The following ZKSCAN4 variants were observed in gnomAD, a reference collection of about 807,000 sequenced individuals.
ZKSCAN4 encodes the protein zinc finger with KRAB and SCAN domains 4.
ZKSCAN4 carries 23 observed loss-of-function variants against 30.8 expected under a neutral mutation model. That is an observed-to-expected ratio of 0.75 (90% CI 0.54 to 1.06). The LOEUF (loss-of-function observed/expected upper bound fraction) is 1.06. Ranked by LOEUF, ZKSCAN4 falls within the 50% of genes least tolerant of loss-of-function variation. ZKSCAN4 has a pLI of 0.00. For missense variants in ZKSCAN4, 556 were observed against 665.4 expected (o/e 0.84, Z 1.81); for synonymous variants, 208 against 252.5 (o/e 0.82, Z 1.67).
In ZKSCAN4 at chr6:28,241,753, T is replaced by A. The variant is rs9468318; in HGVS notation, c.*3363A>T. ...TATTAAACAATTATAATTCCTTTAT[T>A]TGGAGGTTTCCATTAACAAAGTGTT... On this transcript the variant is annotated 3_prime_UTR_variant, in exon 5 of 5. Transcript: ENST00000377294. Among the ~76,000 whole-genome samples, 31,076 of 152,082 alleles carry A rather than the reference T, an allele frequency of 0.2. 3,606 individuals carry two copies. The highest frequency in any genetic ancestry group is 0.3 in the African/African-American group (12,635 of 41,488).
Position 28,245,801 on chromosome 6 carries a change from C to T in ZKSCAN4, c.953G>A (p.Arg318Lys). 6.2e-7 allele frequency: 1 copy of T among 1,614,216 alleles called. No homozygotes were observed. The highest frequency in any genetic ancestry group is 8.5e-7 in the Non-Finnish European group (1 of 1,180,046). The change falls in exon 5 of 5, where the codon AGG becomes AAG. Residue 318 changes from arginine to lysine, a missense_variant. Physicochemically the swap from Arg to Lys is conservative, Grantham distance 26 (BLOSUM62 2). Around this residue, in one of 3 missense-constraint regions of ZKSCAN4, gnomAD observed 433 missense variants for 511.5 expected, o/e 0.85. Transcript: ENST00000377294. ...QRKQKNAIGS[R>K]RHYCHECGKS... ...TCCACATTCATGGCAATAATGTCGCCTACTCCCTATGGCATTTTTCTGCTT... is the reference window on the plus strand; with the variant it reads ...TCCACATTCATGGCAATAATGTCGCTTACTCCCTATGGCATTTTTCTGCTT...
rs769073563 is a variant in ZKSCAN4, at chr6:28,245,985, C to T, written c.779-10G>A. The stretch of plus-strand genomic sequence containing the variant: ...GTCTGTATTTCACCACCTGAAACAA[C>T]AAATGGCCGGCAACTGTGGGTTATG... On this transcript the variant is annotated splice_polypyrimidine_tract_variant and intron_variant, in intron 4 of 4. Transcript: ENST00000377294. 2.5e-6 allele frequency: 4 copies of T among 1,614,032 alleles called. No homozygotes were observed. The highest frequency in any genetic ancestry group is 4.5e-5 in the East Asian group (2 of 44,892).
In ZKSCAN4 at chr6:28,251,626, C is replaced by T. The variant is rs199868712; in HGVS notation, c.355G>A (p.Glu119Lys). The change falls in exon 1 of 5, where the codon GAG (glutamate) becomes AAG (lysine). Residue 119 changes from glutamate (E) to lysine (K), a missense_variant. Coordinates refer to ENST00000377294, the MANE Select transcript of ZKSCAN4 (RefSeq NM_019110.5). This position sits in a 1 kb window ranked among gnomAD's most constrained non-coding sequence, Gnocchi z 4.5. ...LQSWVREQHP[E>K]SGEEVVVLLE... ...AGCACCACCACCTCCTCCCCGCTCT[C>T]TGGATGCTGCTCCCGCACCCAGCTC... The T allele has an allele frequency of 2.8e-4, 447 of 1,614,216 alleles. 3 individuals are homozygous for T. The Middle Eastern group carries it at 3.0e-3, about 11-fold the overall frequency.
In ZKSCAN4 at chr6:28,246,019, T is replaced by C. The variant is rs752742562; in HGVS notation, c.779-44A>G. ...GGCAACTGTGGGTTATGCCCTGCCA[T>C]GGGAGGAAAGCTCTGTGATGAGTAC... On this transcript the variant is annotated intron_variant, in intron 4 of 4. Transcript: ENST00000377294. 5.6e-6 allele frequency: 9 copies of C among 1,613,682 alleles called. No individual in the cohort carries two copies. In the African/African-American group the frequency reaches 6.7e-5, roughly 12 times the overall value.
chr6:28,247,444 G>C (rs1260560495), intron 3 of ZKSCAN4, among the ~76,000 whole-genome samples: 1 of 152,020 alleles, frequency 6.6e-6, no homozygotes, highest in Non-Finnish European at 1.5e-5. Flanking sequence ...TACATTAATA[G>C]CTTCAAAAAT....
At chr6:28,246,822 A>C (rs982855664) in intron 4 of ZKSCAN4, 147 bp downstream of exon 4, 6 of 914,692 alleles carry the variant, frequency 6.6e-6, no homozygotes, top group South Asian at 2.1e-5. Flanking sequence ...AGAAGGAGTA[A>C]GGAGCTAGTA....
chr6:28,258,640 G>C, the ZKSCAN4 span, among the ~76,000 whole-genome samples: 1 of 151,756 alleles, frequency 6.6e-6, no homozygotes, highest in African/African-American at 2.4e-5. Flanking sequence ...AATCAACCTG[G>C]CGTGGTGGTG....
Position 28,251,638 on chromosome 6 carries a change from C to A in ZKSCAN4, c.343G>T (p.Glu115Ter). ...TCCTCCCCGCTCTCTGGATGCTGCT[C>A]CCGCACCCAGCTCTGCAGATTCCCC... ...LPGNLQSWVR[E>*]QHPESGEEVV... Residue 115 changes from glutamate to a stop codon, truncating the protein, a stop_gained, in exon 1 of 5, where the codon GAG (glutamate) becomes TAG (stop). Coordinates refer to ENST00000377294, the MANE Select transcript of ZKSCAN4 (RefSeq NM_019110.5). LOFTEE classifies it high-confidence loss of function. The surrounding 1 kb of genome is among the most constrained non-coding windows in gnomAD (Gnocchi z 4.5). 6.2e-7 allele frequency: 1 copy of A among 1,614,180 alleles called. No individual in the cohort carries two copies.
rs1760983952 is a variant in ZKSCAN4, at chr6:28,251,367, A to G, written c.423+191T>C. 1.2e-6 allele frequency: 1 copy of G among 848,526 alleles called. No homozygotes were observed. Among genetic ancestry groups the G allele is most frequent in the Admixed American group, 2.5e-5 (1 of 39,546 alleles). 52.6% of individuals were successfully genotyped at this position (848,526 alleles called of 1,614,324 possible). On this transcript the variant is annotated intron_variant, in intron 1 of 4. Transcript: ENST00000377294. This position sits in a 1 kb window ranked among gnomAD's most constrained non-coding sequence, Gnocchi z 4.5. ...TAGTTGTGTTCTTTTGTAATCCTTT[A>G]TAGTTTCTTTATATATTTAAAAATA...
rs1760584452 is a variant in ZKSCAN4, at chr6:28,243,659, CTTTTCTT to C, written c.*1450_*1456del. On this transcript the variant is annotated 3_prime_UTR_variant, in exon 5 of 5. Coordinates refer to ENST00000377294, the MANE Select transcript of ZKSCAN4 (RefSeq NM_019110.5). ...ATGTGCTTCTGAACAGACACATTTT[CTTTTCTT>C]TTTTTTTTTTCTTTTTGAGACAGAG... Among the ~76,000 whole-genome samples, 1 of 148,894 alleles carries C rather than the reference CTTTTCTT, an allele frequency of 6.7e-6. No homozygotes were observed. Among genetic ancestry groups the C allele is most frequent in the Admixed American group, 6.7e-5 (1 of 14,996 alleles).
chr6:28,252,118 C>A lies in ZKSCAN4; in HGVS notation c.-138G>T. 1.1e-6 allele frequency: 1 copy of A among 892,388 alleles called. No homozygotes were observed. The highest frequency in any genetic ancestry group is 2.0e-5 in the South Asian group (1 of 50,924). The allele number at this position is 892,388 out of a possible 1,614,324, so 55.3% of individuals were successfully genotyped here. On this transcript the variant is annotated 5_prime_UTR_variant, in exon 1 of 5. The change creates a new upstream start codon in the 5' untranslated region. Transcript: ENST00000377294. ...CATGCCCAGGGGCCCAGGACACCCC[C>A]TGAGGCGCAGCTGCACAGATCTCTC...
In ZKSCAN4 at chr6:28,252,009, C is replaced by A; in HGVS notation, c.-29G>T. 2.6e-6 allele frequency: 4 copies of A among 1,511,486 alleles called. No homozygotes were observed. Among genetic ancestry groups the A allele is most frequent in the Non-Finnish European group, 3.5e-6 (4 of 1,132,420 alleles). 93.6% of individuals were successfully genotyped at this position (1,511,486 alleles called of 1,614,324 possible). On this transcript the variant is annotated 5_prime_UTR_variant, in exon 1 of 5. Transcript: ENST00000377294. The stretch of plus-strand genomic sequence containing the variant: ...GACCCAAGGCAGTACTCGGGTCTCA[C>A]TCTAGTTGCGACCTGTATATCTTCA...
At chr6:28,246,063 A>G (rs112146562) in intron 4 of ZKSCAN4, 88 bp from the exon 5 acceptor site, 42 of 1,553,654 alleles carry the variant, frequency 2.7e-5, no homozygotes, top group Non-Finnish European at 3.4e-5. Flanking sequence ...CAAGAATTAC[A>G]GAAGTCTATA....
upstream of ZKSCAN4, among the ~76,000 whole-genome samples, chr6:28,252,705 AC>A (rs1025900622): frequency 1.3e-5 from 2 of 151,664 alleles, no homozygotes; most frequent in Non-Finnish European, 2.9e-5. Flanking sequence ...TTAATCTGTC[AC>A]TTTTTTTCCT....
In ZKSCAN4 at chr6:28,245,789, C is replaced by T; in HGVS notation, c.965G>A (p.Cys322Tyr). The change falls in exon 5 of 5, where the codon TGC becomes TAC. Residue 322 changes from cysteine (C) to tyrosine (Y), a missense_variant. By Grantham distance (194) the Cys-to-Tyr change is radical. Transcript: ENST00000377294. ...AGCAAAACTCTTTCCACATTCATGG[C>T]AATAATGTCGCCTACTCCCTATGGC... ...KNAIGSRRHY[C>Y]HECGKSFAQS... 1 of 1,614,244 alleles carries T rather than the reference C, an allele frequency of 6.2e-7. No individual in the cohort carries two copies. The highest frequency in any genetic ancestry group is 8.5e-7 in the Non-Finnish European group (1 of 1,180,044).
At chr6:28,252,277 AG>A (rs1387721507), upstream of ZKSCAN4, 1 of 249,818 alleles carries the variant, frequency 4.0e-6, no homozygotes, top group African/African-American at 2.2e-5. Context: ...GCTGGGGCAC[AG>A]GAAGTCTCGA....
chr6:28,252,814 C>T (rs1761067075), upstream of ZKSCAN4, among the ~76,000 whole-genome samples: 1 of 152,146 alleles, frequency 6.6e-6, no homozygotes, highest in Non-Finnish European at 1.5e-5. Context: ...CACCACTTTG[C>T]ACATTCCATG....
At position 28,244,711 on chromosome 6, in the gene ZKSCAN4, C is replaced by A. The variant is rs7757215; in HGVS notation, c.*405G>T. 0.068 allele frequency: 17,102 copies of A among 250,578 alleles called. 815 individuals are homozygous for A. The highest frequency in any genetic ancestry group is 0.14 in the African/African-American group (6,378 of 44,806). 15.5% of individuals were successfully genotyped at this position (250,578 alleles called of 1,614,324 possible). A position where few individuals can be genotyped will look rare whatever the true frequency, so the allele number is the denominator to read the frequency against. Reference sequence around the variant, plus strand: ...ACAAGGCACAAAGAAGAGTAAAAGACCTCATGGATCTGACCAATTTGTGAA... The same window carrying A: ...ACAAGGCACAAAGAAGAGTAAAAGAACTCATGGATCTGACCAATTTGTGAA... On this transcript the variant is annotated 3_prime_UTR_variant, in exon 5 of 5. Coordinates refer to ENST00000377294, the MANE Select transcript of ZKSCAN4 (RefSeq NM_019110.5).
upstream of ZKSCAN4, among the ~76,000 whole-genome samples, chr6:28,255,606 A>G (rs1761153249): frequency 6.6e-6 from 1 of 152,228 alleles, no homozygotes; most frequent in Non-Finnish European, 1.5e-5. Context: ...GGTAAAATGT[A>G]TAAGCCTTTT....
Sources: allele counts gnomAD v4.1 joint callset (sites outside exome capture counted in the v4.1 genomes callset), GRCh38; gene constraint gnomAD v4.1.1; regional missense constraint gnomAD v4.1.1; non-coding constraint Gnocchi (gnomAD v3.1); transcripts MANE v1.5; gene names NCBI Gene and HGNC (gene_info 2026-07-23, HGNC 2026-07-21).